The following SLC35F1 variants were observed in gnomAD, a reference collection of about 807,000 sequenced individuals.
The protein encoded by SLC35F1 is solute carrier family 35 member F1.
A neutral mutation model predicts 48.7 loss-of-function variants in SLC35F1; 14 were observed. That is an observed-to-expected ratio of 0.29 (90% CI 0.19 to 0.45). SLC35F1 has a LOEUF of 0.45. Ranked by LOEUF, SLC35F1 falls within the 20% of genes least tolerant of loss-of-function variation. SLC35F1 has a pLI of 1.00. For synonymous variants in SLC35F1, 190 were observed against 202.2 expected, an observed-to-expected ratio of 0.94 and a Z score of 0.51; for missense variants, 404 against 500.0, an observed-to-expected ratio of 0.81 and a Z score of 1.83.
In SLC35F1 at chr6:118,267,402, C is replaced by T. The variant is rs1416913368; in HGVS notation, c.637+248C>T. On this transcript the variant is annotated intron_variant, in intron 4 of 7. Transcript: ENST00000360388. ...CTTTCTGCATCCATTCAGAAACATG[C>T]AGACAGTGTTTAAAACTGAGAGTCA... Among the ~76,000 whole-genome samples, 4 of 152,324 alleles carry T rather than the reference C, an allele frequency of 2.6e-5. No individual in the cohort carries two copies. In the East Asian group the frequency reaches 7.7e-4, roughly 29 times the overall value.
At chr6:118,176,545 G>A (rs1187169049) in intron 2 of SLC35F1, among the ~76,000 whole-genome samples, 1 of 151,892 alleles carries the variant, frequency 6.6e-6, no homozygotes, top group Non-Finnish European at 1.5e-5. Context: ...TAAAGTGTTG[G>A]TTATAGAGAT....
intron 2 of SLC35F1, among the ~76,000 whole-genome samples, chr6:118,186,000 T>C (rs1216657833): frequency 6.6e-6 from 1 of 152,214 alleles, no homozygotes; most frequent in Non-Finnish European, 1.5e-5. Flanking sequence ...TTGATGTATT[T>C]ATTATACATG....
chr6:118,166,284 A>G (rs1774316434), intron 2 of SLC35F1, among the ~76,000 whole-genome samples: 1 of 152,166 alleles, frequency 6.6e-6, no homozygotes, highest in African/African-American at 2.4e-5. Context: ...AGGCCATGAT[A>G]TCACAGATCA....
At chr6:117,978,228 T>C (rs1776728866) in intron 1 of SLC35F1, among the ~76,000 whole-genome samples, 1 of 152,198 alleles carries the variant, frequency 6.6e-6, no homozygotes, top group African/African-American at 2.4e-5. Context: ...AATAAGGGCC[T>C]ATTTTCTCTT....
At chr6:118,143,261 C>A (rs1381501580) in intron 1 of SLC35F1, among the ~76,000 whole-genome samples, 1 of 152,010 alleles carries the variant, frequency 6.6e-6, no homozygotes, top group Non-Finnish European at 1.5e-5. Context: ...TGCCATTTGG[C>A]CTCAGAGTTC....
chr6:118,081,620 G>A (rs1275494917), intron 1 of SLC35F1, among the ~76,000 whole-genome samples: 4 of 152,094 alleles, frequency 2.6e-5, no homozygotes, highest in Non-Finnish European at 5.9e-5. Context: ...GGGTGACAGA[G>A]CAAGACCCTG....
At chr6:117,967,169 A>T (rs1776581382) in intron 1 of SLC35F1, among the ~76,000 whole-genome samples, 1 of 152,210 alleles carries the variant, frequency 6.6e-6, no homozygotes, top group Admixed American at 6.5e-5. Flanking sequence ...GAAACACACA[A>T]AATAGAACAT....
At chr6:118,196,730 A>C (rs1478499138) in intron 2 of SLC35F1, among the ~76,000 whole-genome samples, 3 of 152,160 alleles carry the variant, frequency 2.0e-5, no homozygotes, top group African/African-American at 4.8e-5. Flanking sequence ...CTCAAAAAAA[A>C]TAAATTAAAT....
At chr6:118,052,790 G>A (rs971047283) in intron 1 of SLC35F1, among the ~76,000 whole-genome samples, 2 of 152,150 alleles carry the variant, frequency 1.3e-5, no homozygotes, top group Admixed American at 6.5e-5. Context: ...AATTTTATGA[G>A]AGAACAGTTA....
At chr6:117,926,274 G>T (rs1776026077) in intron 1 of SLC35F1, among the ~76,000 whole-genome samples, 1 of 152,138 alleles carries the variant, frequency 6.6e-6, no homozygotes, top group South Asian at 2.1e-4. Flanking sequence ...TCCCCTGCTT[G>T]CACTCATTCT....
chr6:118,303,587 C>T (rs971907481), intron 7 of SLC35F1, among the ~76,000 whole-genome samples: 1 of 152,190 alleles, frequency 6.6e-6, no homozygotes, highest in South Asian at 2.1e-4. Flanking sequence ...GTACTCTATG[C>T]TTATCGTGGT....
intron 1 of SLC35F1, among the ~76,000 whole-genome samples, chr6:117,939,764 TC>T (rs1157695838): frequency 2.6e-5 from 4 of 152,192 alleles, no homozygotes; most frequent in African/African-American, 9.7e-5. Context: ...TCACTTACTT[TC>T]TTTTGTTAAA....
intron 1 of SLC35F1, among the ~76,000 whole-genome samples, chr6:117,941,085 G>T (rs1776226762): frequency 6.6e-6 from 1 of 152,112 alleles, no homozygotes; most frequent in Non-Finnish European, 1.5e-5. Context: ...CCTGGTCATG[G>T]TTTATCTCCT....
At chr6:118,168,248 A>G (rs1181857134) in intron 2 of SLC35F1, among the ~76,000 whole-genome samples, 1 of 152,090 alleles carries the variant, frequency 6.6e-6, no homozygotes, top group African/African-American at 2.4e-5. Context: ...GGCTTCTATG[A>G]ACTAGACCAG....
At chr6:118,027,324 G>C (rs1361483145) in intron 1 of SLC35F1, among the ~76,000 whole-genome samples, 1 of 152,038 alleles carries the variant, frequency 6.6e-6, no homozygotes, top group Non-Finnish European at 1.5e-5. Context: ...TGATTGCTGT[G>C]TCATATAGCA....
chr6:118,164,118 C>G (rs1162330758), intron 2 of SLC35F1, among the ~76,000 whole-genome samples: 2 of 152,184 alleles, frequency 1.3e-5, no homozygotes, highest in Non-Finnish European at 2.9e-5. Flanking sequence ...GAAGCATCAT[C>G]ATGTAACTCA....
intron 3 of SLC35F1, among the ~76,000 whole-genome samples, chr6:118,260,466 A>G (rs1208974109): frequency 6.6e-6 from 1 of 152,136 alleles, no homozygotes; most frequent in Non-Finnish European, 1.5e-5. Flanking sequence ...TTTTTAAAAA[A>G]GAAGGCAACT....
At chr6:118,056,459 G>A (rs1772464718) in intron 1 of SLC35F1, among the ~76,000 whole-genome samples, 1 of 152,080 alleles carries the variant, frequency 6.6e-6, no homozygotes, top group Non-Finnish European at 1.5e-5. Context: ...TGATATTTTA[G>A]TTCAATCGAA....
In SLC35F1 at chr6:118,044,828, C is replaced by T. The variant is rs545965755; in HGVS notation, c.174-109617C>T. Among the ~76,000 whole-genome samples, 4 of 152,288 alleles carry T rather than the reference C, an allele frequency of 2.6e-5. No individual in the cohort carries two copies. In the South Asian group the frequency reaches 8.3e-4, roughly 32 times the overall value. The stretch of plus-strand genomic sequence containing the variant: ...ACTCTGTTTACTGCTTAGCCTCCCA[C>T]ATTCTTTCCTAGCACTTCATCGTGG... On this transcript the variant is annotated intron_variant, in intron 1 of 7. Coordinates refer to ENST00000360388, the MANE Select transcript of SLC35F1 (RefSeq NM_001029858.4).
Sources: gnomAD v4.1 joint callset for allele counts (sites outside exome capture counted in the v4.1 genomes callset) on GRCh38, gnomAD v4.1.1 for gene constraint, MANE v1.5 for transcripts, NCBI Gene and HGNC (gene_info 2026-07-23, HGNC 2026-07-21) for gene names.